Variants in DNAJC8 observed in about 807,000 individuals in gnomAD.
DNAJC8 encodes the protein dnaJ homolog subfamily C member 8.
Under a neutral mutation model 43.2 loss-of-function variants are expected in DNAJC8, and 24 were observed. The observed-to-expected ratio is 0.56, with a 90% CI of 0.40 to 0.78. The LOEUF is 0.78. DNAJC8 is among the 30% of genes least tolerant of loss of function. The probability of loss-of-function intolerance (pLI) is 0.00; values close to 1 mark genes in which losing one functional copy is unlikely to be tolerated. For synonymous variants in DNAJC8, 83 were observed against 98.0 expected (o/e 0.85, Z 0.90); for missense variants, 207 against 299.4 (o/e 0.69, Z 2.28).
intron 2 of DNAJC8, among the ~76,000 whole-genome samples, chr1:28,227,717 C>T (rs889367974): frequency 1.3e-5 from 2 of 152,020 alleles, no homozygotes; most frequent in African/African-American, 4.8e-5. Context: ...TCTAAGCCAG[C>T]CTGGGCAACA....
At chr1:28,207,751 G>A (rs1243440405) in intron 6 of DNAJC8, among the ~76,000 whole-genome samples, 4 of 137,292 alleles carry the variant, frequency 2.9e-5, no homozygotes, top group African/African-American at 1.1e-4. Flanking sequence ...CAAATAAAAT[G>A]TTTTTTTAAA....
At chr1:28,232,498 G>A (rs1646985858) in intron 1 of DNAJC8, among the ~76,000 whole-genome samples, 1 of 152,076 alleles carries the variant, frequency 6.6e-6, no homozygotes, top group Admixed American at 6.6e-5. Context: ...ATGCCTAACT[G>A]GCATGATACA....
intron 3 of DNAJC8, among the ~76,000 whole-genome samples, chr1:28,213,073 A>C (rs1646826414): frequency 6.6e-6 from 1 of 152,218 alleles, no homozygotes; most frequent in South Asian, 2.1e-4. Context: ...CATGGGATAG[A>C]CACCATTATT....
chr1:28,201,066 A>G lies in DNAJC8; in HGVS notation c.*182T>C. 1.1e-6 allele frequency: 1 copy of G among 908,852 alleles called. No homozygotes were observed. 56.3% of individuals were successfully genotyped at this position (908,852 alleles called of 1,614,324 possible). A position where few individuals can be genotyped will look rare whatever the true frequency, so the allele number is the denominator to read the frequency against. On this transcript the variant is annotated 3_prime_UTR_variant, in exon 9 of 9. Coordinates refer to ENST00000263697, the MANE Select transcript of DNAJC8 (RefSeq NM_014280.3). ...AGAGGGAAAGGTCTTTTTTTAAACCAAGCCCCTCATTTCAATGTACAAAAG... is the reference window on the plus strand; with the variant it reads ...AGAGGGAAAGGTCTTTTTTTAAACCGAGCCCCTCATTTCAATGTACAAAAG...
chr1:28,218,582 C>T (rs1365599807), intron 2 of DNAJC8, among the ~76,000 whole-genome samples: 2 of 151,888 alleles, frequency 1.3e-5, no homozygotes, highest in East Asian at 3.9e-4. Context: ...CACAACCATG[C>T]CTGGTGACTT....
At chr1:28,224,336 C>T (rs779126232) in intron 2 of DNAJC8, among the ~76,000 whole-genome samples, 61 of 152,106 alleles carry the variant, frequency 4.0e-4, no homozygotes, top group Admixed American at 9.2e-4. Context: ...GGTGCAATCT[C>T]GGCTCACTGC....
rs964637824 is a variant in DNAJC8, at chr1:28,208,548, C to A, written c.400-135G>T. On this transcript the variant is annotated intron_variant, in intron 5 of 8. Coordinates refer to ENST00000263697, the MANE Select transcript of DNAJC8 (RefSeq NM_014280.3). ...AAGTTTTCATTAAAAAAAAAAAGAG[C>A]CCCTCCCCTCCCTCCTCAAAAGAAC... is the stretch of plus-strand genomic sequence containing the variant. 1.7e-5 allele frequency: 7 copies of A among 419,598 alleles called. No homozygotes were observed. The South Asian group carries it at 4.1e-4, about 25-fold the overall frequency. 26.0% of individuals were successfully genotyped at this position (419,598 alleles called of 1,614,324 possible). A position where few individuals can be genotyped will look rare whatever the true frequency, so the allele number is the denominator to read the frequency against.
At chr1:28,228,743 C>CCAAAAT (rs1314748994) in intron 2 of DNAJC8, among the ~76,000 whole-genome samples, 179 bp downstream of exon 2, 6 of 152,148 alleles carry the variant, frequency 3.9e-5, no homozygotes, top group African/African-American at 1.4e-4. Context: ...AACTTCTGGT[C>CCAAAAT]CCAAGCATTT....
intron 2 of DNAJC8, among the ~76,000 whole-genome samples, chr1:28,223,768 G>A (rs1646915175): frequency 6.6e-6 from 1 of 151,552 alleles, no homozygotes; most frequent in Admixed American, 6.6e-5. Flanking sequence ...GTGGGAACCA[G>A]GTTTCTAACT....
intron 6 of DNAJC8, among the ~76,000 whole-genome samples, chr1:28,207,106 G>A (rs1646774118): frequency 6.6e-6 from 1 of 151,780 alleles, no homozygotes; most frequent in South Asian, 2.1e-4. Context: ...GGCCAGGTGC[G>A]GTGGTCCACG....
At chr1:28,215,305 A>G (rs933655794) in intron 2 of DNAJC8, among the ~76,000 whole-genome samples, 5 of 152,188 alleles carry the variant, frequency 3.3e-5, no homozygotes, top group Admixed American at 6.5e-5. Flanking sequence ...TTCATTCATT[A>G]AAAGAGTTTA....
intron 2 of DNAJC8, among the ~76,000 whole-genome samples, chr1:28,216,217 G>GC (rs1485475191): frequency 6.6e-6 from 1 of 152,046 alleles, no homozygotes; most frequent in Non-Finnish European, 1.5e-5. Context: ...GCGTAGTGGC[G>GC]CATGAAAATG....
Position 28,212,272 on chromosome 1 carries a change from CT to C in DNAJC8, c.238-1636del, listed in dbSNP as rs528978849. 4.8e-3 allele frequency among the ~76,000 whole-genome samples: 435 copies of C among 90,940 alleles called. 4 individuals are homozygous for C. Among genetic ancestry groups the C allele is most frequent in the Middle Eastern group, 0.017 (3 of 174 alleles). The allele number at this position is 90,940 out of a possible 152,430, so 59.7% of individuals were successfully genotyped here. A position where few individuals can be genotyped will look rare whatever the true frequency, so the allele number is the denominator to read the frequency against. On this transcript the variant is annotated intron_variant, in intron 3 of 8. Transcript: ENST00000263697. ...ATACATGAATATTCGTTGTTCTATT[CT>C]TTTTTTTTTTTTTTTTTTTGAGACA... is the stretch of plus-strand genomic sequence containing the variant.
At chr1:28,217,277 G>T (rs1434788196) in intron 2 of DNAJC8, among the ~76,000 whole-genome samples, 1 of 152,034 alleles carries the variant, frequency 6.6e-6, no homozygotes, top group African/African-American at 2.4e-5. Context: ...GACTGTAAGT[G>T]CGTGGAGCAC....
chr1:28,209,856 C>A, intron 5 of DNAJC8, 116 bp downstream of exon 5: 1 of 845,642 alleles, frequency 1.2e-6, no homozygotes, highest in Non-Finnish European at 1.9e-6. Flanking sequence ...GTAGAGAGCA[C>A]AGAAGTAGCC....
intron 2 of DNAJC8, among the ~76,000 whole-genome samples, chr1:28,220,603 C>T (rs893033268): frequency 1.3e-5 from 2 of 152,204 alleles, no homozygotes; most frequent in African/African-American, 4.8e-5. Flanking sequence ...AAGATGAGGA[C>T]ATTAATCCAA....
rs1265181868 is a variant in DNAJC8 at position 28,201,054 on chromosome 1, T to G, written c.*194A>C. 1 of 813,034 alleles carries G rather than the reference T, an allele frequency of 1.2e-6. No individual in the cohort carries two copies. The highest frequency in any genetic ancestry group is 1.9e-6 in the Non-Finnish European group (1 of 540,390). The allele number at this position is 813,034 out of a possible 1,614,324, so 50.4% of individuals were successfully genotyped here. ...CTAGGGGCAGGGAGAGGGAAAGGTC[T>G]TTTTTTAAACCAAGCCCCTCATTTC... On this transcript the variant is annotated 3_prime_UTR_variant, in exon 9 of 9. Transcript: ENST00000263697.
chr1:28,203,091 G>A (rs1318546483), intron 8 of DNAJC8, among the ~76,000 whole-genome samples: 3 of 152,176 alleles, frequency 2.0e-5, no homozygotes, highest in Non-Finnish European at 4.4e-5. Flanking sequence ...TGCCTAGCGA[G>A]TTGTGTAGGG....
rs1010745524 is a variant in DNAJC8, at chr1:28,210,213, T to C, written c.305-147A>G. ...CGTTAAACTAAGTTAAAAAAAACAT[T>C]CAACTATAGCAATGACTTTCCTTAA... On this transcript the variant is annotated intron_variant, in intron 4 of 8. Coordinates refer to ENST00000263697, the MANE Select transcript of DNAJC8 (RefSeq NM_014280.3). The C allele has an allele frequency of 8.6e-6, 6 of 694,788 alleles. No individual in the cohort carries two copies. In the African/African-American group the frequency reaches 1.1e-4, roughly 13 times the overall value. The allele number at this position is 694,788 out of a possible 1,614,324, so 43.0% of individuals were successfully genotyped here.
Sources: gnomAD v4.1 joint callset for allele counts (sites outside exome capture counted in the v4.1 genomes callset) on GRCh38, gnomAD v4.1.1 for gene constraint, MANE v1.5 for transcripts, NCBI Gene and HGNC (gene_info 2026-07-23, HGNC 2026-07-21) for gene names.